Variants in ATP8A1 observed in about 807,000 individuals in gnomAD.
The protein encoded by ATP8A1 is phospholipid-transporting ATPase IA.
A neutral mutation model predicts 177.7 loss-of-function variants in ATP8A1; 90 were observed. That is an observed-to-expected ratio of 0.51 (90% confidence interval 0.43 to 0.60). The LOEUF is 0.60. Among genes scored for constraint, ATP8A1 ranks in the 20% least tolerant of loss-of-function variants. ATP8A1 has a pLI of 0.00. For synonymous variants in ATP8A1, 493 were observed against 485.9 expected (o/e 1.01, Z -0.19); for missense variants, 1,072 against 1,392.8 (o/e 0.77, Z 3.67).
intron 1 of ATP8A1, among the ~76,000 whole-genome samples, chr4:42,640,928 G>A (rs1739910337): frequency 6.6e-6 from 1 of 151,792 alleles, no homozygotes; most frequent in Admixed American, 6.6e-5. Flanking sequence ...GGGCTGGAGG[G>A]AGCATCATGG....
At chr4:42,424,086 A>T (rs1436375786) in intron 33 of ATP8A1, among the ~76,000 whole-genome samples, 1 of 152,158 alleles carries the variant, frequency 6.6e-6, no homozygotes, top group Non-Finnish European at 1.5e-5. Context: ...TTTTTGGCTA[A>T]CATTAGGTAG....
At chr4:42,448,302 A>T (rs1717501085) in intron 30 of ATP8A1, among the ~76,000 whole-genome samples, 2 of 152,128 alleles carry the variant, frequency 1.3e-5, no homozygotes, top group Admixed American at 1.3e-4. Flanking sequence ...GTTACAAAGA[A>T]GAAGACTATT....
chr4:42,428,182 G>C lies in ATP8A1; in HGVS notation c.3124-4477C>G, dbSNP rs190542677. ...AGCATACAAACACCCTCCCTGGAAG[G>C]GTTTGCAGTTTGTATCATCATTCAT... On this transcript the variant is annotated intron_variant, in intron 33 of 36. Transcript: ENST00000381668. Among the ~76,000 whole-genome samples, 435 of 152,256 alleles carry C rather than the reference G, an allele frequency of 2.9e-3. 1 individual carries two copies. Among genetic ancestry groups the C allele is most frequent in the Non-Finnish European group, 5.0e-3 (339 of 68,012 alleles).
At chr4:42,565,468 G>A (rs1179057758) in intron 15 of ATP8A1, among the ~76,000 whole-genome samples, 1 of 152,062 alleles carries the variant, frequency 6.6e-6, no homozygotes, top group Non-Finnish European at 1.5e-5. Context: ...AAGACCAGAG[G>A]ATAGAAAATA....
rs1002814150 is a variant in ATP8A1 at position 42,543,839 on chromosome 4, C to T, written c.1722+78G>A. On this transcript the variant is annotated intron_variant, in intron 20 of 36. Transcript: ENST00000381668. Reference sequence around the variant, plus strand: ...AACTTCATGTTAAACATCTGTGTTACATTTCCATAGAATGCCTAACATATA... The same window carrying T: ...AACTTCATGTTAAACATCTGTGTTATATTTCCATAGAATGCCTAACATATA... The T allele has an allele frequency of 7.6e-6, 8 of 1,058,986 alleles. No individual in the cohort carries two copies. In the East Asian group the frequency reaches 1.1e-4, roughly 14 times the overall value. The allele number at this position is 1,058,986 out of a possible 1,614,324, so 65.6% of individuals were successfully genotyped here. A position where few individuals can be genotyped will look rare whatever the true frequency, so the allele number is the denominator to read the frequency against.
intron 20 of ATP8A1, among the ~76,000 whole-genome samples, chr4:42,536,643 C>CA (rs902761052): frequency 4.7e-4 from 72 of 151,742 alleles, no homozygotes; most frequent in African/African-American, 1.5e-3. Context: ...AAGGATAAAA[C>CA]AAAAAAAACT....
intron 1 of ATP8A1, among the ~76,000 whole-genome samples, chr4:42,650,684 A>G (rs1365814598): frequency 6.6e-6 from 1 of 152,240 alleles, no homozygotes; most frequent in Non-Finnish European, 1.5e-5. Flanking sequence ...CATATTTTAC[A>G]TAATCAAATA....
chr4:42,609,656 G>A (rs1037166210), intron 5 of ATP8A1, among the ~76,000 whole-genome samples: 3 of 152,042 alleles, frequency 2.0e-5, no homozygotes, highest in African/African-American at 7.2e-5. Flanking sequence ...GGCAGCACTT[G>A]GTATTTGACT....
chr4:42,508,550 T>A (rs1487756547), intron 22 of ATP8A1, among the ~76,000 whole-genome samples: 1 of 152,244 alleles, frequency 6.6e-6, no homozygotes, highest in Non-Finnish European at 1.5e-5. Context: ...TGGACACAGA[T>A]AATGTTGTTC....
chr4:42,547,743 A>G (rs951597457), intron 19 of ATP8A1, among the ~76,000 whole-genome samples: 11 of 152,218 alleles, frequency 7.2e-5, no homozygotes, highest in African/African-American at 2.7e-4. Context: ...GCTTTAAATA[A>G]TAAGTCAGAC....
In ATP8A1 at chr4:42,646,214, A is replaced by G. The variant is rs181168081; in HGVS notation, c.49+10611T>C. Among the ~76,000 whole-genome samples, 7 of 152,300 alleles carry G rather than the reference A, an allele frequency of 4.6e-5. No homozygotes were observed. The East Asian group carries it at 1.3e-3, about 29-fold the overall frequency. On this transcript the variant is annotated intron_variant, in intron 1 of 36. Transcript: ENST00000381668. ...ACGGCTCACAAATGCTGAGCACTGG[A>G]GTCCAAGCTAGGGTTGGGAACCAGC...
At position 42,423,679 on chromosome 4, in the gene ATP8A1, G is replaced by A. The variant is rs202090520; in HGVS notation, c.3150C>T (p.Val1050=). The A allele has an allele frequency of 9.3e-6, 15 of 1,612,646 alleles. No individual in the cohort carries two copies. In the African/African-American group the frequency reaches 1.7e-4, roughly 19 times the overall value. Residue 1050 remains valine (V), a synonymous_variant, in exon 34 of 37, where the codon GTC becomes GTT. Transcript: ENST00000381668. ...GEAAMLFSSG[V]FWMGLLFIPV... ...GGATGAATAACAAGCCCATCCAAAAGACTCCAGAACTGAACAACATGGCTG... is the reference window on the plus strand; with the variant it reads ...GGATGAATAACAAGCCCATCCAAAAAACTCCAGAACTGAACAACATGGCTG...
Position 42,569,208 on chromosome 4 carries a change from T to A in ATP8A1, c.1296-3A>T, listed in dbSNP as rs780503022. 6.2e-7 allele frequency: 1 copy of A among 1,605,206 alleles called. No homozygotes were observed. Among genetic ancestry groups the A allele is most frequent in the East Asian group, 2.3e-5 (1 of 44,178 alleles). On this transcript the variant is annotated splice_region_variant and splice_polypyrimidine_tract_variant and intron_variant, in intron 14 of 36. Transcript: ENST00000381668. ...AATCCTCAGGTTCAGGGACATGGCT[T>A]CAGAAAGCAAGAAGAGAGGCAGAAA...
intron 33 of ATP8A1, among the ~76,000 whole-genome samples, chr4:42,432,655 T>C (rs537101461): frequency 5.9e-5 from 9 of 152,236 alleles, no homozygotes; most frequent in African/African-American, 1.9e-4. Flanking sequence ...AGTGGTGAAT[T>C]TGCCACCTTG....
chr4:42,435,461 A>AAAAAAAAAAAAATC (rs1553871738), intron 33 of ATP8A1, among the ~76,000 whole-genome samples: 1 of 122,346 alleles, frequency 8.2e-6, no homozygotes, highest in Non-Finnish European at 1.8e-5. Context: ...AAAAAAAAAA[A>AAAAAAAAAAAAATC]AACAAACTAT....
At chr4:42,433,662 A>AAACG (rs948505179) in intron 33 of ATP8A1, among the ~76,000 whole-genome samples, 13 of 152,190 alleles carry the variant, frequency 8.5e-5, no homozygotes, top group Non-Finnish European at 1.9e-4. Flanking sequence ...ACAAACAAAC[A>AAACG]CAAATCTTAG....
chr4:42,653,705 T>C (rs1410781364), intron 1 of ATP8A1, among the ~76,000 whole-genome samples: 3 of 152,206 alleles, frequency 2.0e-5, no homozygotes, highest in African/African-American at 7.2e-5. Context: ...GAGTTAGGCT[T>C]AAATAAGAAA....
Position 42,464,796 on chromosome 4 carries a change from T to C in ATP8A1, c.2513A>G (p.Lys838Arg), listed in dbSNP as rs201823579. The change falls in exon 27 of 37, where the codon AAA (lysine) becomes AGA (arginine). Residue 838 changes from lysine (K) to arginine (R), a missense_variant. By Grantham distance (26) the Lys-to-Arg change is conservative (BLOSUM62 2). Transcript: ENST00000381668. ...NSSDYSIAQFKYLKNLLMIHG... is the reference protein window; with the variant it reads ...NSSDYSIAQFRYLKNLLMIHG... ...AATCATCAGTAAATTCTTCAAATAT[T>C]TGAACTAAAACAAGAGTGGGAAAAA... 1.9e-5 allele frequency: 31 copies of C among 1,613,190 alleles called. No individual in the cohort carries two copies. In the South Asian group the frequency reaches 2.0e-4, roughly 10 times the overall value.
chr4:42,486,734 T>C (rs1203327256), intron 24 of ATP8A1, among the ~76,000 whole-genome samples: 1 of 152,198 alleles, frequency 6.6e-6, no homozygotes. Flanking sequence ...TGTGAGACCA[T>C]ATTTTTACTG....
Sources: gnomAD v4.1 joint callset for allele counts (sites outside exome capture counted in the v4.1 genomes callset) on GRCh38, gnomAD v4.1.1 for gene constraint, MANE v1.5 for transcripts, NCBI Gene and HGNC (gene_info 2026-07-23, HGNC 2026-07-21) for gene names.